Variants in VLDLR observed in about 807,000 individuals in gnomAD.
VLDLR encodes the protein very low-density lipoprotein receptor.
VLDLR carries 81 observed loss-of-function variants against 112.7 expected under a neutral mutation model. The ratio of observed to expected loss-of-function variants is 0.72; its 90% CI spans 0.60 to 0.86. The LOEUF (loss-of-function observed/expected upper bound fraction) is 0.86, where lower values mean the gene tolerates loss of function less well. Ranked by LOEUF, VLDLR falls within the 40% of genes least tolerant of loss-of-function variation. VLDLR has a pLI of 0.00. For synonymous variants in VLDLR, 436 were observed against 384.8 expected, an observed-to-expected ratio of 1.13 and a Z score of -1.56; for missense variants, 1,237 against 1,099.4, an observed-to-expected ratio of 1.13 and a Z score of -1.77.
chr9:2,628,316 C>G (rs1172485159), intron 1 of VLDLR, among the ~76,000 whole-genome samples: 1 of 152,076 alleles, frequency 6.6e-6, no homozygotes, highest in Non-Finnish European at 1.5e-5. Context: ...TTCAAGAATA[C>G]AATCTGAGCC....
Position 2,645,747 on chromosome 9 carries a change from T to A in VLDLR, c.1484+2T>A. On this transcript the variant is annotated splice_donor_variant, in intron 10 of 18. Transcript: ENST00000382100. LOFTEE classifies it high-confidence loss of function. ...TCTAAGCCAAAAGGCTATCTTCAGG[T>A]AACTTTCAGTTCCTTTTGTGGTGTC... 1 of 1,614,202 alleles carries A rather than the reference T, an allele frequency of 6.2e-7. No homozygotes were observed.
chr9:2,622,140 G>C lies in VLDLR; in HGVS notation c.-50G>C. The C allele has an allele frequency of 2.8e-6, 4 of 1,418,490 alleles. No homozygotes were observed. Among genetic ancestry groups the C allele is most frequent in the Non-Finnish European group, 3.7e-6 (4 of 1,081,114 alleles). 87.9% of individuals were successfully genotyped at this position (1,418,490 alleles called of 1,614,324 possible). A position where few individuals can be genotyped will look rare whatever the true frequency, so the allele number is the denominator to read the frequency against. Reference sequence around the variant, plus strand: ...GGAAGGACTGGTAACTTGTCGTGCGGAGCGAACGGCGGCGGCGGCGGCGGC... The same window carrying C: ...GGAAGGACTGGTAACTTGTCGTGCGCAGCGAACGGCGGCGGCGGCGGCGGC... On this transcript the variant is annotated 5_prime_UTR_variant, in exon 1 of 19. Coordinates refer to ENST00000382100, the MANE Select transcript of VLDLR (RefSeq NM_003383.5).
chr9:2,653,071 T>G, intron 18 of VLDLR, 122 bp downstream of exon 18: 1 of 1,282,870 alleles, frequency 7.8e-7, no homozygotes, highest in Non-Finnish European at 1.1e-6. Context: ...ATCTGCTACC[T>G]GGCTATTAGA....
At chr9:2,630,751 C>G (rs1817313325) in intron 1 of VLDLR, among the ~76,000 whole-genome samples, 1 of 152,176 alleles carries the variant, frequency 6.6e-6, no homozygotes, top group South Asian at 2.1e-4. Context: ...GAGTTTCCCT[C>G]TAGGACATTG....
Position 2,654,065 on chromosome 9 carries a change from G to C in VLDLR, c.*197G>C. 1.7e-6 allele frequency: 1 copy of C among 591,308 alleles called. No individual in the cohort carries two copies. Among genetic ancestry groups the C allele is most frequent in the Non-Finnish European group, 3.0e-6 (1 of 333,106 alleles). 36.6% of individuals were successfully genotyped at this position (591,308 alleles called of 1,614,324 possible). On this transcript the variant is annotated 3_prime_UTR_variant, in exon 19 of 19. Coordinates refer to ENST00000382100, the MANE Select transcript of VLDLR (RefSeq NM_003383.5). ...ATATTCTTGTCCACATTCTACTTCA[G>C]CTTTGGATGTGGTTACCGAGTATCT... is the stretch of plus-strand genomic sequence containing the variant.
intron 2 of VLDLR, among the ~76,000 whole-genome samples, chr9:2,637,532 T>C (rs1275669790): frequency 6.6e-6 from 1 of 152,234 alleles, no homozygotes; most frequent in East Asian, 1.9e-4. Context: ...TCCCAGTCTA[T>C]GCTCCAAATG....
rs1363433131 is a variant in VLDLR, at chr9:2,643,689, C to T, written c.882C>T (p.Ser294=). ...AGGATGGCAGCTGCATCCATGGCAG[C>T]AGGCAGTGTAATGGTATCCGAGACT... ...ECEDGSCIHG[S]RQCNGIRDCV... Residue 294 remains serine (S), a synonymous_variant, in exon 6 of 19, where the codon AGC becomes AGT. Transcript: ENST00000382100. 53 of 1,614,082 alleles carry T rather than the reference C, an allele frequency of 3.3e-5. No individual in the cohort carries two copies. The highest frequency in any genetic ancestry group is 4.1e-5 in the Non-Finnish European group (48 of 1,180,048).
chr9:2,630,609 G>A (rs549486429), intron 1 of VLDLR, among the ~76,000 whole-genome samples: 3 of 152,166 alleles, frequency 2.0e-5, no homozygotes, highest in Admixed American at 6.5e-5. Context: ...TTTGTAGTCC[G>A]TTTGGAAGGC....
chr9:2,625,234 A>G (rs1817038123), intron 1 of VLDLR, among the ~76,000 whole-genome samples: 2 of 152,214 alleles, frequency 1.3e-5, no homozygotes, highest in South Asian at 2.1e-4. Flanking sequence ...CAGGAGAGGT[A>G]TCAAATTGAT....
In VLDLR at chr9:2,654,123, C is replaced by G; in HGVS notation, c.*255C>G. ...TTGAATTTCTAGACAGTATTGCCAC[C>G]TCTGGCCAAATATGCACTTTCCCTA... On this transcript the variant is annotated 3_prime_UTR_variant, in exon 19 of 19. Coordinates refer to ENST00000382100, the MANE Select transcript of VLDLR (RefSeq NM_003383.5). 1 of 497,934 alleles carries G rather than the reference C, an allele frequency of 2.0e-6. No individual in the cohort carries two copies. The allele number at this position is 497,934 out of a possible 1,614,324, so 30.8% of individuals were successfully genotyped here.
At position 2,639,983 on chromosome 9, in the gene VLDLR, T is replaced by A; in HGVS notation, c.325+2T>A. The A allele has an allele frequency of 6.2e-7, 1 of 1,614,202 alleles. No homozygotes were observed. The highest frequency in any genetic ancestry group is 8.5e-7 in the Non-Finnish European group (1 of 1,180,014). On this transcript the variant is annotated splice_donor_variant, in intron 3 of 18. Transcript: ENST00000382100. LOFTEE classifies it high-confidence loss of function. ...CAGATGAAAGCCCAGAACAGTGCCG[T>A]GAGTGTAACTTGCTTTGGCCTTGAA...
chr9:2,648,522 C>G, intron 13 of VLDLR, 147 bp from the exon 14 acceptor site: 1 of 1,522,598 alleles, frequency 6.6e-7, no homozygotes, highest in Non-Finnish European at 9.1e-7. Flanking sequence ...CACACCTAAA[C>G]TTGATTCTTT....
intron 3 of VLDLR, 39 bp from the exon 4 acceptor site, chr9:2,641,338 C>G (rs758981179): frequency 5.0e-6 from 8 of 1,613,258 alleles, no homozygotes; most frequent in Admixed American, 1.7e-5. Context: ...TTGCATTGAT[C>G]AGTTCTGAGG....
At position 2,653,920 on chromosome 9, in the gene VLDLR, G is replaced by C. The variant is rs545939033; in HGVS notation, c.*52G>C. On this transcript the variant is annotated 3_prime_UTR_variant, in exon 19 of 19. Transcript: ENST00000382100. ...GGTCTAAACAAATAATACCCCCGTCGGAATGGTAACCGAGCCAGCAGCTGA... is the reference window on the plus strand; with the variant it reads ...GGTCTAAACAAATAATACCCCCGTCCGAATGGTAACCGAGCCAGCAGCTGA... 4 of 1,599,236 alleles carry C rather than the reference G, an allele frequency of 2.5e-6. No individual in the cohort carries two copies. Among genetic ancestry groups the C allele is most frequent in the Non-Finnish European group, 3.4e-6 (4 of 1,166,852 alleles).
rs558138958 is a variant in VLDLR, at chr9:2,630,960, TCAAA to T, written c.83-4489_83-4486del. Among the ~76,000 whole-genome samples the T allele has an allele frequency of 4.0e-4, 61 of 151,622 alleles. No homozygotes were observed. The South Asian group carries it at 0.012, about 29-fold the overall frequency. ...AGACTAATATCCAGAATATACAAAC[TCAAA>T]CAATGGGGAAAAAATAATCCCATTA... On this transcript the variant is annotated intron_variant, in intron 1 of 18. Transcript: ENST00000382100.
Position 2,645,032 on chromosome 9 carries a change from G to A in VLDLR, c.1262G>A (p.Cys421Tyr). Residue 421 changes from cysteine to tyrosine, a missense_variant, in exon 9 of 19, where the codon TGT (cysteine) becomes TAT (tyrosine). Physicochemically the swap from Cys to Tyr is radical, Grantham distance 194 (BLOSUM62 -2). Transcript: ENST00000382100. ...INLKGGYKCE[C>Y]SRGYQMDLAT... ...TTAAAAGGCGGTTACAAGTGTGAAT[G>A]TAGTCGTGGCTATCAAATGGATCTT... 1 of 1,614,254 alleles carries A rather than the reference G, an allele frequency of 6.2e-7. No individual in the cohort carries two copies. Among genetic ancestry groups the A allele is most frequent in the Non-Finnish European group, 8.5e-7 (1 of 1,180,040 alleles).
chr9:2,653,089 T>A lies in VLDLR; in HGVS notation c.2586+140T>A, dbSNP rs1186202987. ...TGCTACCTGGCTATTAGACAGACAG[T>A]ATAGCCTGTTAGAACATAAGTCACT... On this transcript the variant is annotated intron_variant, in intron 18 of 18. Transcript: ENST00000382100. The A allele has an allele frequency of 2.7e-6, 3 of 1,100,792 alleles. No homozygotes were observed. In the African/African-American group the frequency reaches 4.6e-5, roughly 17 times the overall value. 68.2% of individuals were successfully genotyped at this position (1,100,792 alleles called of 1,614,324 possible). A position where few individuals can be genotyped will look rare whatever the true frequency, so the allele number is the denominator to read the frequency against.
At position 2,648,282 on chromosome 9, in the gene VLDLR, G is replaced by C. The variant is rs922174413; in HGVS notation, c.1897G>C (p.Asp633His). 3.1e-6 allele frequency: 5 copies of C among 1,614,204 alleles called. No homozygotes were observed. The highest frequency in any genetic ancestry group is 4.5e-5 in the East Asian group (2 of 44,882). ...MLSSVDLNGQ[D>H]RRIVLKSLEF... ...ATCCAGCGTGGACTTGAATGGCCAA[G>C]ATCGTAGGATAGTACTAAAGTCTCT... The change falls in exon 13 of 19, where the codon GAT (aspartate) becomes CAT (histidine). Residue 633 changes from aspartate to histidine, a missense_variant. Physicochemically the swap from Asp to His is moderately conservative, Grantham distance 81 (BLOSUM62 -1). Coordinates refer to ENST00000382100, the MANE Select transcript of VLDLR (RefSeq NM_003383.5).
Position 2,621,899 on chromosome 9 carries a change from T to G in VLDLR, c.-291T>G. The G allele has an allele frequency of 1.7e-6, 1 of 600,784 alleles. No homozygotes were observed. 37.2% of individuals were successfully genotyped at this position (600,784 alleles called of 1,614,324 possible). Reference sequence around the variant, plus strand: ...CCCTCTCCCTTCCCTCCTCTCCCCTTGCCTCCCCTCCTCTGCAGCGCCTGC... The same window carrying G: ...CCCTCTCCCTTCCCTCCTCTCCCCTGGCCTCCCCTCCTCTGCAGCGCCTGC... On this transcript the variant is annotated 5_prime_UTR_variant, in exon 1 of 19. Transcript: ENST00000382100.
Sources: gnomAD v4.1 joint callset for allele counts (sites outside exome capture counted in the v4.1 genomes callset) on GRCh38, gnomAD v4.1.1 for gene constraint, MANE v1.5 for transcripts, NCBI Gene and HGNC (gene_info 2026-07-23, HGNC 2026-07-21) for gene names.